The following NPSR1 variants were observed in gnomAD, a reference collection of about 807,000 sequenced individuals.
The protein encoded by NPSR1 is neuropeptide S receptor.
Under a neutral mutation model 46.9 loss-of-function variants are expected in NPSR1, and 48 were observed. The observed-to-expected ratio is 1.02, with a 90% CI of 0.81 to 1.30. The LOEUF (loss-of-function observed/expected upper bound fraction) is 1.30, where lower values mean the gene tolerates loss of function less well. NPSR1 is among the 50% of genes most tolerant of loss of function. The probability of loss-of-function intolerance (pLI) is 0.00; values close to 1 mark genes in which losing one functional copy is unlikely to be tolerated. For missense variants in NPSR1, 450 were observed against 449.5 expected (o/e 1.00, Z -0.01); for synonymous variants, 176 against 168.1 (o/e 1.05, Z -0.36).
At chr7:34,677,439 T>C (rs527561477) in intron 1 of NPSR1, among the ~76,000 whole-genome samples, 61 of 152,340 alleles carry the variant, frequency 4.0e-4, no homozygotes, top group South Asian at 3.7e-3. Context: ...TAACGTTGAC[T>C]TCCAATGCAA....
chr7:34,711,630 A>G (rs1783291551), intron 2 of NPSR1: 1 of 152,278 alleles, frequency 6.6e-6, no homozygotes. Context: ...CCAAGACATT[A>G]GTACTTTTCC....
chr7:34,709,699 G>C (rs1311313651), intron 2 of NPSR1, among the ~76,000 whole-genome samples: 2 of 152,082 alleles, frequency 1.3e-5, no homozygotes, highest in African/African-American at 4.8e-5. Flanking sequence ...CTCACTATAA[G>C]ACAGGGATCT....
chr7:34,691,572 T>G (rs1192712355), intron 2 of NPSR1, among the ~76,000 whole-genome samples: 1 of 152,106 alleles, frequency 6.6e-6, no homozygotes, highest in Admixed American at 6.6e-5. Flanking sequence ...ATTCTTATAT[T>G]AGATAAAACA....
At chr7:34,797,420 A>T (rs11764233) in intron 3 of NPSR1, among the ~76,000 whole-genome samples, 11,273 of 152,222 alleles carry the variant, frequency 0.074, 506 homozygotes, top group East Asian at 0.12. Flanking sequence ...GGCTCTGTGT[A>T]TGGGGGACAG....
intron 2 of NPSR1, among the ~76,000 whole-genome samples, chr7:34,688,376 T>C (rs866624751): frequency 2.0e-5 from 3 of 152,226 alleles, no homozygotes; most frequent in African/African-American, 7.2e-5. Context: ...GATCCATCTA[T>C]TGGCATTATC....
intron 3 of NPSR1, among the ~76,000 whole-genome samples, chr7:34,797,081 AG>A (rs1386505074): frequency 2.0e-5 from 3 of 152,208 alleles, no homozygotes; most frequent in African/African-American, 7.2e-5. Flanking sequence ...AGTAAGCAAA[AG>A]TGACAGTCTG....
chr7:34,798,467 G>A lies in NPSR1; in HGVS notation c.385-13303G>A, dbSNP rs867447692. ...GGAGAATCTCTTGAACCCGGAAGGC[G>A]AAGGTTGCAGTGATCCAAGATTGTA... On this transcript the variant is annotated intron_variant, in intron 3 of 8. Transcript: ENST00000360581. 3.9e-5 allele frequency among the ~76,000 whole-genome samples: 6 copies of A among 152,044 alleles called. 1 individual carries two copies. The highest frequency in any genetic ancestry group is 2.0e-4 in the Admixed American group (3 of 15,246).
intron 8 of NPSR1, among the ~76,000 whole-genome samples, chr7:34,875,532 A>T (rs1791553963): frequency 6.6e-6 from 1 of 152,064 alleles, no homozygotes; most frequent in Admixed American, 6.5e-5. Flanking sequence ...TCATCAGTCT[A>T]CCCTCCACCC....
intron 3 of NPSR1, among the ~76,000 whole-genome samples, chr7:34,794,866 CTG>C (rs1788102080): frequency 6.6e-6 from 1 of 152,084 alleles, no homozygotes; most frequent in Admixed American, 6.6e-5. Context: ...TAGCAAGACA[CTG>C]TACCTACAAT....
At position 34,693,686 on chromosome 7, in the gene NPSR1, C is replaced by A. The variant is rs113986510; in HGVS notation, c.280+9002C>A. On this transcript the variant is annotated intron_variant, in intron 2 of 8. Transcript: ENST00000360581. ...CCAAAATCATACAAGGACACAACAA[C>A]AACAATACAAAAAAACCCACTACAG... 3.7e-3 allele frequency among the ~76,000 whole-genome samples: 562 copies of A among 152,162 alleles called. 3 individuals carry two copies. The highest frequency in any genetic ancestry group is 6.0e-3 in the Non-Finnish European group (409 of 67,970).
chr7:34,668,748 A>C (rs1175143289), intron 1 of NPSR1, among the ~76,000 whole-genome samples: 1 of 152,198 alleles, frequency 6.6e-6, no homozygotes, highest in Non-Finnish European at 1.5e-5. Flanking sequence ...AAGTCAGAAG[A>C]GCAAGAGCTA....
intron 5 of NPSR1, 141 bp downstream of exon 5, chr7:34,827,743 G>A: frequency 1.5e-6 from 1 of 651,592 alleles, no homozygotes; most frequent in Non-Finnish European, 2.6e-6. Flanking sequence ...AAGATTTTAT[G>A]TGTAGCTACC....
chr7:34,713,507 G>T (rs954585287), intron 2 of NPSR1, among the ~76,000 whole-genome samples: 1 of 151,980 alleles, frequency 6.6e-6, no homozygotes, highest in African/African-American at 2.4e-5. Context: ...AAATATTAAT[G>T]ATTTAGGTCA....
chr7:34,678,841 GA>G (rs945820102), intron 1 of NPSR1, among the ~76,000 whole-genome samples: 30 of 140,746 alleles, frequency 2.1e-4, no homozygotes, highest in Admixed American at 8.5e-4. Context: ...AAAGAAAAAA[GA>G]AAAAAAAAAG....
chr7:34,750,463 T>A (rs1785461876), intron 2 of NPSR1: 2 of 734,498 alleles, frequency 2.7e-6, no homozygotes, highest in African/African-American at 3.5e-5. Context: ...TGTCTGAGGC[T>A]GCAGAAGCCA....
At chr7:34,818,377 T>C (rs370738359) in intron 4 of NPSR1, among the ~76,000 whole-genome samples, 8 of 152,152 alleles carry the variant, frequency 5.3e-5, no homozygotes, top group South Asian at 2.1e-4. Flanking sequence ...TGAAGGACCT[T>C]TTCAAGGAGA....
chr7:34,705,990 G>A (rs1207096223), intron 2 of NPSR1, among the ~76,000 whole-genome samples: 5 of 149,922 alleles, frequency 3.3e-5, no homozygotes, highest in African/African-American at 9.8e-5. Flanking sequence ...ATTTCTTTAT[G>A]AGCCTTTTTC....
At chr7:34,662,765 C>G (rs2530559) in intron 1 of NPSR1, among the ~76,000 whole-genome samples, 15,725 of 152,124 alleles carry the variant, frequency 0.1, 905 homozygotes, top group African/African-American at 0.15. Flanking sequence ...CCTGGGTAAA[C>G]TCTACCGTGC....
chr7:34,747,508 A>C (rs1785268225), intron 2 of NPSR1, among the ~76,000 whole-genome samples: 1 of 152,344 alleles, frequency 6.6e-6, no homozygotes. Context: ...TGGAACAAGG[A>C]GGCACCACTT....
Sources: allele counts gnomAD v4.1 joint callset (sites outside exome capture counted in the v4.1 genomes callset), GRCh38; gene constraint gnomAD v4.1.1; transcripts MANE v1.5; gene names NCBI Gene and HGNC (gene_info 2026-07-23, HGNC 2026-07-21).